The following DPP10 variants were observed in gnomAD, a reference collection of about 807,000 sequenced individuals.
DPP10 encodes the protein inactive dipeptidyl peptidase 10.
DPP10 carries 33 observed loss-of-function variants against 120.9 expected under a neutral mutation model. The observed-to-expected ratio is 0.27, with a 90% CI of 0.21 to 0.37. The LOEUF (loss-of-function observed/expected upper bound fraction) is 0.37, where lower values mean the gene tolerates loss of function less well. Ranked by LOEUF, DPP10 falls within the 10% of genes least tolerant of loss-of-function variation. DPP10 has a pLI of 1.00. For synonymous variants in DPP10, 337 were observed against 326.1 expected (o/e 1.03, Z -0.36); for missense variants, 816 against 942.8 (o/e 0.87, Z 1.76).
At chr2:114,444,036 T>C (rs1022451072) in intron 1 of DPP10, among the ~76,000 whole-genome samples, 1 of 152,204 alleles carries the variant, frequency 6.6e-6, no homozygotes, top group African/African-American at 2.4e-5. Flanking sequence ...TTCCAGGGTA[T>C]ATTAAATGAT....
intron 1 of DPP10, among the ~76,000 whole-genome samples, chr2:115,059,004 C>A (rs1706174831): frequency 6.6e-6 from 1 of 152,186 alleles, no homozygotes; most frequent in African/African-American, 2.4e-5. Flanking sequence ...ATCCTTCCCC[C>A]TGAATAGCAC....
At chr2:115,603,570 G>GTTGT (rs1553459828) in intron 5 of DPP10, among the ~76,000 whole-genome samples, 11 of 99,286 alleles carry the variant, frequency 1.1e-4, no homozygotes, top group Admixed American at 1.0e-3. Context: ...GTTTTTTTTT[G>GTTGT]TTTTTTTTTT....
At chr2:114,881,147 G>C (rs1220730324) in intron 1 of DPP10, among the ~76,000 whole-genome samples, 1 of 151,962 alleles carries the variant, frequency 6.6e-6, no homozygotes, top group Non-Finnish European at 1.5e-5. Context: ...ATTTATTTTG[G>C]CTTCCAAATT....
chr2:115,581,216 T>C (rs1558879367), intron 5 of DPP10, among the ~76,000 whole-genome samples: 1 of 152,216 alleles, frequency 6.6e-6, no homozygotes, highest in Non-Finnish European at 1.5e-5. Flanking sequence ...TGTGCCCAGC[T>C]TAACTATGGA....
chr2:114,643,784 C>T (rs1695892610), intron 1 of DPP10, among the ~76,000 whole-genome samples: 2 of 151,594 alleles, frequency 1.3e-5, no homozygotes, highest in South Asian at 4.1e-4. Context: ...AAGATTCATA[C>T]ACTTTGCCTT....
chr2:115,448,655 ATAT>A (rs1360466919), intron 3 of DPP10, among the ~76,000 whole-genome samples: 3 of 152,198 alleles, frequency 2.0e-5, no homozygotes, highest in Non-Finnish European at 4.4e-5. Flanking sequence ...ATTTATTAAA[ATAT>A]TATGTGTAAT....
At chr2:115,139,724 TAAAAAAAA>T (rs55826687) in intron 1 of DPP10, among the ~76,000 whole-genome samples, 1,689 of 56,700 alleles carry the variant, frequency 0.03, 29 homozygotes, top group Middle Eastern at 0.093. Flanking sequence ...GTAAAAATAC[TAAAAAAAA>T]AAAAAAAAAA....
chr2:115,192,591 A>G (rs764934155), intron 1 of DPP10, among the ~76,000 whole-genome samples: 2 of 152,152 alleles, frequency 1.3e-5, no homozygotes, highest in Non-Finnish European at 1.5e-5. Flanking sequence ...ACCTATTTTT[A>G]TTAGTTTTTA....
At chr2:114,719,143 T>C (rs72830372) in intron 1 of DPP10, among the ~76,000 whole-genome samples, 10 of 152,328 alleles carry the variant, frequency 6.6e-5, no homozygotes, top group Non-Finnish European at 1.5e-4. Flanking sequence ...CATAAAATAC[T>C]TGACTTAGCT....
chr2:114,918,929 G>A (rs922980689), intron 1 of DPP10, among the ~76,000 whole-genome samples: 5 of 148,920 alleles, frequency 3.4e-5, no homozygotes, highest in South Asian at 2.1e-4. Flanking sequence ...ACGTGCACAC[G>A]TACCCCCGAA....
At chr2:114,944,439 C>A (rs1335140835) in intron 1 of DPP10, among the ~76,000 whole-genome samples, 1 of 152,106 alleles carries the variant, frequency 6.6e-6, no homozygotes, top group South Asian at 2.1e-4. Context: ...TAAACATCCA[C>A]CTTTCATATC....
chr2:114,863,912 G>A (rs751650767), intron 1 of DPP10, among the ~76,000 whole-genome samples: 14 of 152,278 alleles, frequency 9.2e-5, no homozygotes, highest in Admixed American at 7.8e-4. Context: ...AAGCCTCCAA[G>A]TCGAGCCTGT....
At chr2:115,490,609 A>C (rs554549384) in intron 3 of DPP10, among the ~76,000 whole-genome samples, 3 of 152,304 alleles carry the variant, frequency 2.0e-5, no homozygotes, top group African/African-American at 7.2e-5. Context: ...CATGGTCACT[A>C]ATATTGGCTC....
intron 21 of DPP10, among the ~76,000 whole-genome samples, chr2:115,817,499 A>C (rs1328015131): frequency 6.6e-6 from 1 of 152,196 alleles, no homozygotes. Context: ...AGTGCAAATC[A>C]CGACCATCCT....
intron 13 of DPP10, among the ~76,000 whole-genome samples, chr2:115,769,389 G>A (rs535712930): frequency 7.4e-4 from 112 of 152,102 alleles, no homozygotes; most frequent in Admixed American, 3.2e-3. Context: ...ATATACATTT[G>A]TATTGGACAG....
intron 1 of DPP10, among the ~76,000 whole-genome samples, chr2:115,045,849 G>T (rs1705023232): frequency 6.6e-6 from 1 of 152,038 alleles, no homozygotes; most frequent in Non-Finnish European, 1.5e-5. Flanking sequence ...GGTTCTATTT[G>T]GCCATGTTGC....
chr2:114,923,286 C>T (rs1432766818), intron 1 of DPP10, among the ~76,000 whole-genome samples: 1 of 150,618 alleles, frequency 6.6e-6, no homozygotes, highest in African/African-American at 2.4e-5. Context: ...CAGGTTCAAG[C>T]GATTCTCATG....
intron 1 of DPP10, among the ~76,000 whole-genome samples, chr2:114,636,374 A>G (rs1178419685): frequency 6.6e-6 from 1 of 152,002 alleles, no homozygotes; most frequent in African/African-American, 2.4e-5. Flanking sequence ...TCCTGCCTGC[A>G]GGCGAGTGGC....
chr2:115,327,556 G>A (rs2062441032), intron 2 of DPP10, among the ~76,000 whole-genome samples: 1 of 151,918 alleles, frequency 6.6e-6, no homozygotes, highest in Non-Finnish European at 1.5e-5. Flanking sequence ...TCATTTTGAA[G>A]AAAAACACCT....
Sources: allele counts gnomAD v4.1 joint callset (sites outside exome capture counted in the v4.1 genomes callset), GRCh38; gene constraint gnomAD v4.1.1; transcripts MANE v1.5; gene names NCBI Gene and HGNC (gene_info 2026-07-23, HGNC 2026-07-21).